Variants in GPHN observed in about 807,000 individuals in gnomAD.
The protein encoded by GPHN is gephyrin.
A neutral mutation model predicts 95.5 loss-of-function variants in GPHN; 17 were observed. The ratio of observed to expected loss-of-function variants is 0.18; its 90% CI spans 0.12 to 0.27. The LOEUF (loss-of-function observed/expected upper bound fraction) is 0.27, where lower values mean the gene tolerates loss of function less well. Ranked by LOEUF, GPHN falls within the 10% of genes least tolerant of loss-of-function variation. The pLI, the probability that GPHN is intolerant of heterozygous loss-of-function variation, is 1.00. For missense variants in GPHN, 660 were observed against 978.1 expected, an observed-to-expected ratio of 0.67 and a Z score of 4.34; for synonymous variants, 320 against 322.5, an observed-to-expected ratio of 0.99 and a Z score of 0.08.
chr14:67,435,110 G>T, the GPHN span, among the ~76,000 whole-genome samples: 1 of 151,876 alleles, frequency 6.6e-6, no homozygotes, highest in East Asian at 1.9e-4. Context: ...GGGATTATAG[G>T]CACCCGCCAC....
At chr14:66,978,342 T>A (rs1056887838) in intron 9 of GPHN, among the ~76,000 whole-genome samples, 1 of 152,196 alleles carries the variant, frequency 6.6e-6, no homozygotes, top group African/African-American at 2.4e-5. Flanking sequence ...TGAATGCATT[T>A]TTTCTACAGT....
At chr14:67,528,089 G>A in the GPHN span, among the ~76,000 whole-genome samples, 1 of 152,178 alleles carries the variant, frequency 6.6e-6, no homozygotes, top group African/African-American at 2.4e-5. Flanking sequence ...ATGGGCTGGT[G>A]GGGACTCAGA....
chr14:67,492,267 G>T, the GPHN span, among the ~76,000 whole-genome samples: 1 of 152,212 alleles, frequency 6.6e-6, no homozygotes, highest in Non-Finnish European at 1.5e-5. Context: ...CTGGACAGCT[G>T]CTGGGCTCTC....
chr14:66,779,966 A>G lies in GPHN; in HGVS notation c.201+3445A>G, dbSNP rs533620750. 2.6e-5 allele frequency among the ~76,000 whole-genome samples: 4 copies of G among 152,220 alleles called. No homozygotes were observed. The South Asian group carries it at 8.3e-4, about 32-fold the overall frequency. On this transcript the variant is annotated intron_variant, in intron 3 of 22. Coordinates refer to ENST00000478722, the MANE Select transcript of GPHN (RefSeq NM_020806.5). ...GTTGCAGGAATGTAGGCACAAAATGATTAGAACCTGAACTCAAGCAGTGAC... is the reference window on the plus strand; with the variant it reads ...GTTGCAGGAATGTAGGCACAAAATGGTTAGAACCTGAACTCAAGCAGTGAC...
the GPHN span, among the ~76,000 whole-genome samples, chr14:67,601,090 G>A: frequency 5.3e-5 from 8 of 152,198 alleles, no homozygotes; most frequent in Admixed American, 3.9e-4. Flanking sequence ...ATGGAAATAA[G>A]AGAGTATCGT....
the GPHN span, among the ~76,000 whole-genome samples, chr14:67,332,567 T>C: frequency 6.6e-6 from 1 of 152,174 alleles, no homozygotes; most frequent in African/African-American, 2.4e-5. Context: ...CAGGATATAT[T>C]GAGTCCCAGA....
chr14:67,687,749 G>A, the GPHN span, among the ~76,000 whole-genome samples: 3 of 150,122 alleles, frequency 2.0e-5, no homozygotes, highest in Non-Finnish European at 4.4e-5. Flanking sequence ...GGGATTACAA[G>A]CATGAGCCAC....
At chr14:67,159,292 T>G (rs2081822693) in intron 18 of GPHN, 123 bp from the exon 19 acceptor site, 1 of 736,570 alleles carries the variant, frequency 1.4e-6, no homozygotes, top group African/African-American at 1.8e-5. Context: ...GCAAATCAAC[T>G]CCATTAAAAT....
At chr14:66,902,162 T>A (rs2065153501) in intron 5 of GPHN, among the ~76,000 whole-genome samples, 1 of 152,036 alleles carries the variant, frequency 6.6e-6, no homozygotes, top group Non-Finnish European at 1.5e-5. Flanking sequence ...CTTGATTTCT[T>A]TTTTGGATTG....
chr14:66,922,667 A>G lies in GPHN; in HGVS notation c.458A>G (p.Glu153Gly), dbSNP rs761317030. Residue 153 changes from glutamate to glycine, a missense_variant and splice_region_variant, in exon 7 of 23, where the codon GAA becomes GGA. Transcript: ENST00000478722. ...TTTTTTTCTTTCTCTTGCATACAGG[A>G]ATGCTTTCAATTCATACTGCCAGCT... is the stretch of plus-strand genomic sequence containing the variant. ...NLPGSKKGSQ[E>G]CFQFILPALP... The G allele has an allele frequency of 6.2e-7, 1 of 1,610,208 alleles. No homozygotes were observed. Among genetic ancestry groups the G allele is most frequent in the African/African-American group, 1.3e-5 (1 of 74,842 alleles).
the GPHN span, chr14:67,650,415 C>A: frequency 2.7e-6 from 1 of 373,422 alleles, no homozygotes; most frequent in Non-Finnish European, 4.9e-6. Context: ...CCCCACCCAA[C>A]ACCAAGCCTT....
At position 66,984,185 on chromosome 14, in the gene GPHN, T is replaced by C. The variant is rs150200514; in HGVS notation, c.963+18860T>C. On this transcript the variant is annotated intron_variant, in intron 9 of 22. Coordinates refer to ENST00000478722, the MANE Select transcript of GPHN (RefSeq NM_020806.5). ...TATTTTTATAGGAATCTACCAACTCTACCTTTATAATCTAGATATTGTGAA... is the reference window on the plus strand; with the variant it reads ...TATTTTTATAGGAATCTACCAACTCCACCTTTATAATCTAGATATTGTGAA... Among the ~76,000 whole-genome samples the C allele has an allele frequency of 7.7e-3, 1,170 of 152,290 alleles. 3 individuals carry two copies. Among genetic ancestry groups the C allele is most frequent in the Admixed American group, 0.01 (154 of 15,294 alleles).
chr14:67,358,238 G>A, the GPHN span, among the ~76,000 whole-genome samples: 1 of 152,090 alleles, frequency 6.6e-6, no homozygotes, highest in African/African-American at 2.4e-5. Context: ...TCACTACCTC[G>A]GGATAGTCCT....
chr14:67,283,900 T>C, the GPHN span, among the ~76,000 whole-genome samples: 1 of 152,244 alleles, frequency 6.6e-6, no homozygotes, highest in South Asian at 2.1e-4. Context: ...GAAGATTTGC[T>C]TCGTTGTCTT....
At chr14:67,334,713 A>G in the GPHN span, 12 of 152,262 alleles carry the variant, frequency 7.9e-5, no homozygotes, top group African/African-American at 2.4e-4. Context: ...GCCATACACT[A>G]CTGTCTCTTC....
chr14:67,340,659 C>G, the GPHN span: 7 of 698,790 alleles, frequency 1.0e-5, no homozygotes, highest in South Asian at 1.3e-4. Flanking sequence ...AAAATAAAAA[C>G]ACAAAGAAGC....
chr14:66,545,961 C>A (rs1301155503), intron 1 of GPHN, among the ~76,000 whole-genome samples: 1 of 151,274 alleles, frequency 6.6e-6, no homozygotes, highest in African/African-American at 2.4e-5. Flanking sequence ...GGTGACGCTC[C>A]TCACTTCTCA....
intron 1 of GPHN, among the ~76,000 whole-genome samples, chr14:66,552,993 C>CT (rs1177667115): frequency 7.8e-6 from 1 of 128,342 alleles, no homozygotes; most frequent in Non-Finnish European, 1.7e-5. Flanking sequence ...CTTTTCTTTT[C>CT]TTTTTTCTTT....
intron 1 of GPHN, among the ~76,000 whole-genome samples, chr14:66,598,896 G>A (rs553671600): frequency 6.6e-5 from 10 of 151,732 alleles, no homozygotes; most frequent in African/African-American, 1.9e-4. Context: ...CCTTGCAGTT[G>A]ATGCAGTCTT....
Sources: gnomAD v4.1 joint callset for allele counts (sites outside exome capture counted in the v4.1 genomes callset) on GRCh38, gnomAD v4.1.1 for gene constraint, MANE v1.5 for transcripts, NCBI Gene and HGNC (gene_info 2026-07-23, HGNC 2026-07-21) for gene names.